The following NTM variants were observed in gnomAD, a reference collection of about 807,000 sequenced individuals.
NTM encodes neurotrimin, also known as IgLON family member 2.
A neutral mutation model predicts 42.1 loss-of-function variants in NTM; 13 were observed. The ratio of observed to expected loss-of-function variants is 0.31; its 90% CI spans 0.20 to 0.49. The LOEUF (loss-of-function observed/expected upper bound fraction) is 0.49, where lower values mean the gene tolerates loss of function less well. Ranked by LOEUF, NTM falls within the 20% of genes least tolerant of loss-of-function variation. The pLI is 0.99. For synonymous variants in NTM, 187 were observed against 179.2 expected (o/e 1.04, Z -0.35); for missense variants, 373 against 452.8 (o/e 0.82, Z 1.60).
chr11:131,906,668 C>A (rs951791617), intron 1 of NTM, among the ~76,000 whole-genome samples: 1 of 152,188 alleles, frequency 6.6e-6, no homozygotes, highest in African/African-American at 2.4e-5. Context: ...CCTGACTTTT[C>A]TGTCTACCTC....
chr11:131,834,889 G>C (rs1368641991), intron 1 of NTM, among the ~76,000 whole-genome samples: 5 of 152,082 alleles, frequency 3.3e-5, no homozygotes, highest in African/African-American at 1.2e-4. Context: ...AACAAGTACA[G>C]TGGAGTTGAT....
rs943282316 is a variant in NTM, at chr11:131,597,126, C to T, written c.82+226238C>T. Among the ~76,000 whole-genome samples the T allele has an allele frequency of 5.9e-5, 9 of 152,186 alleles. 1 individual carries two copies. Among genetic ancestry groups the T allele is most frequent in the Admixed American group, 2.0e-4 (3 of 15,280 alleles). On this transcript the variant is annotated intron_variant, in intron 1 of 8. Coordinates refer to ENST00000683400, the MANE Select transcript of NTM (RefSeq NM_001352005.2). ...TGACTCAAATGTTAATCTCCTTTGG[C>T]AACGCCCTCACACACACACCCAGGA...
At position 131,795,639 on chromosome 11, in the gene NTM, G is replaced by A. The variant is rs1172885822; in HGVS notation, c.83-115925G>A. 7 of 985,276 alleles carry A rather than the reference G, an allele frequency of 7.1e-6. No individual in the cohort carries two copies. The Admixed American group carries it at 3.7e-4, about 52-fold the overall frequency. 61.0% of individuals were successfully genotyped at this position (985,276 alleles called of 1,614,324 possible). ...ACCCTTGTAGGAGCTTGATTCCCAT[G>A]TAGGCCAGTACAGTGCCAGTGCCCA... On this transcript the variant is annotated intron_variant, in intron 1 of 8. Coordinates refer to ENST00000683400, the MANE Select transcript of NTM (RefSeq NM_001352005.2).
At chr11:131,467,674 C>T (rs965750340) in intron 1 of NTM, among the ~76,000 whole-genome samples, 11 of 152,130 alleles carry the variant, frequency 7.2e-5, no homozygotes, top group African/African-American at 2.7e-4. Flanking sequence ...AATTTAGTGG[C>T]CTCCACTTAT....
chr11:131,781,701 T>G (rs949149147), intron 1 of NTM, among the ~76,000 whole-genome samples: 2 of 152,176 alleles, frequency 1.3e-5, no homozygotes, highest in African/African-American at 4.8e-5. Flanking sequence ...ACAAAATATA[T>G]GAATCATTGC....
intron 1 of NTM, among the ~76,000 whole-genome samples, chr11:131,870,584 G>A (rs894254722): frequency 1.3e-5 from 2 of 152,120 alleles, no homozygotes; most frequent in African/African-American, 4.8e-5. Context: ...TTGTAGCTCT[G>A]AGCAGCTTCT....
chr11:132,113,046 T>A (rs2063431151), intron 2 of NTM, among the ~76,000 whole-genome samples: 1 of 152,096 alleles, frequency 6.6e-6, no homozygotes, highest in South Asian at 2.1e-4. Context: ...AAGCAGCTCC[T>A]CCCAGTCATC....
At chr11:131,655,534 A>AG (rs541710125) in intron 1 of NTM, among the ~76,000 whole-genome samples, 2 of 152,300 alleles carry the variant, frequency 1.3e-5, no homozygotes, top group South Asian at 4.1e-4. Context: ...GTTTCTGTGC[A>AG]GGGGGCTGCT....
Position 132,214,029 on chromosome 11 carries a change from C to T in NTM, c.526+1882C>T, listed in dbSNP as rs561475184. Among the ~76,000 whole-genome samples the T allele has an allele frequency of 1.4e-3, 88 of 61,436 alleles. 26 individuals are homozygous for T. The highest frequency in any genetic ancestry group is 3.8e-3 in the African/African-American group (79 of 20,744). 40.3% of individuals were successfully genotyped at this position (61,436 alleles called of 152,430 possible). ...GATTACAGGCGTGAGCCACCGCGCC[C>T]GGCGGGCCACCATTCTTGACACTGT... On this transcript the variant is annotated intron_variant, in intron 4 of 8. Transcript: ENST00000683400.
intron 1 of NTM, among the ~76,000 whole-genome samples, chr11:131,885,052 T>A (rs2050165591): frequency 6.6e-6 from 1 of 151,964 alleles, no homozygotes; most frequent in South Asian, 2.1e-4. Context: ...TAATCCCTCA[T>A]CCTAATGTAA....
intron 1 of NTM, among the ~76,000 whole-genome samples, chr11:131,907,689 G>C (rs1373532041): frequency 6.6e-6 from 1 of 152,208 alleles, no homozygotes; most frequent in Non-Finnish European, 1.5e-5. Context: ...GTTAGGAATC[G>C]GCTTTCAAGG....
In NTM at chr11:131,619,803, C is replaced by T. The variant is rs149696127; in HGVS notation, c.82+248915C>T. 2.7e-3 allele frequency among the ~76,000 whole-genome samples: 403 copies of T among 151,664 alleles called. 1 individual carries two copies. Among genetic ancestry groups the T allele is most frequent in the Non-Finnish European group, 2.1e-3 (140 of 67,930 alleles). The stretch of plus-strand genomic sequence containing the variant: ...ATAAGGATATGGGGGTAACATCTAC[C>T]GCTAAACATCTTCTTTTTTTTTTTT... On this transcript the variant is annotated intron_variant, in intron 1 of 8. Transcript: ENST00000683400.
chr11:131,439,462 C>T (rs1182687181), intron 1 of NTM, among the ~76,000 whole-genome samples: 1 of 152,218 alleles, frequency 6.6e-6, no homozygotes, highest in Non-Finnish European at 1.5e-5. Flanking sequence ...GTGGGCTCCA[C>T]CCAGTTCGAG....
intron 4 of NTM, among the ~76,000 whole-genome samples, chr11:132,296,670 G>A (rs2094622840): frequency 6.6e-6 from 1 of 152,166 alleles, no homozygotes; most frequent in African/African-American, 2.4e-5. Context: ...AGGTGTGTGT[G>A]TGCCTATATT....
At chr11:131,563,579 C>CTTTTTT (rs71911433) in intron 1 of NTM, among the ~76,000 whole-genome samples, 32 of 88,750 alleles carry the variant, frequency 3.6e-4, no homozygotes, top group African/African-American at 8.7e-4. Flanking sequence ...GCTCCAGACA[C>CTTTTTT]TTTTTTTTTT....
chr11:131,610,740 G>T (rs2061402530), intron 1 of NTM, among the ~76,000 whole-genome samples: 1 of 152,192 alleles, frequency 6.6e-6, no homozygotes, highest in South Asian at 2.1e-4. Context: ...GAATGGAGGA[G>T]GGCGTGAGTA....
At chr11:131,665,579 C>T (rs561884265) in intron 1 of NTM, among the ~76,000 whole-genome samples, 22 of 152,308 alleles carry the variant, frequency 1.4e-4, no homozygotes, top group Admixed American at 3.3e-4. Flanking sequence ...GACACAGAGA[C>T]GCCTAAGAGG....
intron 1 of NTM, among the ~76,000 whole-genome samples, chr11:131,726,672 G>T (rs2079008297): frequency 6.6e-6 from 1 of 151,102 alleles, no homozygotes; most frequent in African/African-American, 2.5e-5. Context: ...TTGTAAATAG[G>T]CTCATTACGT....
chr11:131,623,361 C>A (rs976936066), intron 1 of NTM, among the ~76,000 whole-genome samples: 3 of 152,198 alleles, frequency 2.0e-5, no homozygotes, highest in Non-Finnish European at 4.4e-5. Context: ...CAGTAAAAAT[C>A]GTATACAAAT....
Sources: gnomAD v4.1 joint callset for allele counts (sites outside exome capture counted in the v4.1 genomes callset) on GRCh38, gnomAD v4.1.1 for gene constraint, MANE v1.5 for transcripts, NCBI Gene and HGNC (gene_info 2026-07-23, HGNC 2026-07-21) for gene names.